Variants in TENM2 observed in about 807,000 individuals in gnomAD.
TENM2 encodes the protein teneurin transmembrane protein 2, also known as teneurin-2.
A neutral mutation model predicts 245.2 loss-of-function variants in TENM2; 52 were observed. That is an observed-to-expected ratio of 0.21 (90% CI 0.17 to 0.27). The LOEUF (loss-of-function observed/expected upper bound fraction) is 0.27. Ranked by LOEUF, TENM2 falls within the 10% of genes least tolerant of loss-of-function variation. TENM2 has a pLI of 1.00. For synonymous variants in TENM2, 1,363 were observed against 1,438.9 expected (o/e 0.95, Z 1.19); for missense variants, 3,046 against 3,666.8 (o/e 0.83, Z 4.37).
rs61665761 is a variant in TENM2 at position 168,036,643 on chromosome 5, A to AAT, written c.1187-10764_1187-10763dup. On this transcript the variant is annotated intron_variant, in intron 5 of 28. Transcript: ENST00000518659. ...AAGAGCGAAACTCCATCAAAAAAAA[A>AAT]ATATATATATATATATATATAATAT... Among the ~76,000 whole-genome samples, 269 of 73,816 alleles carry AAT rather than the reference A, an allele frequency of 3.6e-3. 6 individuals are homozygous for AAT. The East Asian group carries it at 0.059, about 16-fold the overall frequency. The allele number at this position is 73,816 out of a possible 152,430, so 48.4% of individuals were successfully genotyped here. A position where few individuals can be genotyped will look rare whatever the true frequency, so the allele number is the denominator to read the frequency against.
Position 167,821,764 on chromosome 5 carries a change from G to A in TENM2, c.503-54222G>A, listed in dbSNP as rs939586640. Among the ~76,000 whole-genome samples, 17 of 152,168 alleles carry A rather than the reference G, an allele frequency of 1.1e-4. No individual in the cohort carries two copies. In the East Asian group the frequency reaches 2.5e-3, roughly 22 times the overall value. On this transcript the variant is annotated intron_variant, in intron 2 of 28. Transcript: ENST00000518659. ...AAGAACTCTACAAGTCCCTTTTGATGATTTCATTGAACTGGTAAGGAAAGG... is the reference window on the plus strand; with the variant it reads ...AAGAACTCTACAAGTCCCTTTTGATAATTTCATTGAACTGGTAAGGAAAGG...
the TENM2 span, among the ~76,000 whole-genome samples, chr5:167,056,541 A>G: frequency 7.2e-6 from 1 of 138,088 alleles, no homozygotes; most frequent in African/African-American, 2.7e-5. Flanking sequence ...TATATCTATA[A>G]AATATATAAA....
intron 3 of TENM2, among the ~76,000 whole-genome samples, chr5:167,950,504 G>A (rs1780002577): frequency 6.6e-6 from 1 of 152,126 alleles, no homozygotes; most frequent in Admixed American, 6.5e-5. Context: ...TTAGGACTTA[G>A]GGCTGGGGAG....
intron 2 of TENM2, among the ~76,000 whole-genome samples, chr5:167,518,467 C>A (rs757323361): frequency 6.6e-5 from 10 of 152,136 alleles, no homozygotes; most frequent in African/African-American, 1.9e-4. Flanking sequence ...ATATAATTGT[C>A]ATTTTTGTAA....
chr5:167,135,177 T>G, the TENM2 span, among the ~76,000 whole-genome samples: 1 of 152,220 alleles, frequency 6.6e-6, no homozygotes, highest in African/African-American at 2.4e-5. Context: ...ATTGTTGTTA[T>G]TTATTAATCT....
intron 5 of TENM2, among the ~76,000 whole-genome samples, chr5:167,995,199 A>G: frequency 6.6e-6 from 1 of 152,142 alleles, no homozygotes; most frequent in East Asian, 1.9e-4. Flanking sequence ...TGCCTGATTT[A>G]TGGGGCTTGA....
rs185683873 is a variant in TENM2 at position 168,151,904 on chromosome 5, C to T, written c.2423-10707C>T. On this transcript the variant is annotated intron_variant, in intron 12 of 28. Transcript: ENST00000518659. The stretch of plus-strand genomic sequence containing the variant: ...CTCACTCCCTGTTTTCAATGATGAC[C>T]AATGATTCCAGGCTGCCTCTTGGGG... Among the ~76,000 whole-genome samples the T allele has an allele frequency of 2.8e-4, 42 of 152,280 alleles. No homozygotes were observed. In the East Asian group the frequency reaches 7.9e-3, roughly 29 times the overall value.
chr5:167,258,160 T>C, the TENM2 span, among the ~76,000 whole-genome samples: 1 of 149,662 alleles, frequency 6.7e-6, no homozygotes, highest in Non-Finnish European at 1.5e-5. Flanking sequence ...TTGAAGATAT[T>C]ATATTTTGTA....
chr5:167,836,107 T>C (rs2151120869), intron 2 of TENM2, among the ~76,000 whole-genome samples: 1 of 152,328 alleles, frequency 6.6e-6, no homozygotes, highest in Middle Eastern at 3.4e-3. Context: ...AACGTTGTTT[T>C]TAAGTAAGTT....
the TENM2 span, among the ~76,000 whole-genome samples, chr5:167,211,222 G>A: frequency 6.6e-6 from 1 of 152,022 alleles, no homozygotes; most frequent in Non-Finnish European, 1.5e-5. Context: ...AGTGACTATC[G>A]TGGCTAACTT....
the TENM2 span, among the ~76,000 whole-genome samples, chr5:167,196,598 C>A: frequency 6.7e-6 from 1 of 148,572 alleles, no homozygotes; most frequent in Non-Finnish European, 1.5e-5. Context: ...TCTTACACAT[C>A]TTAACTGTAA....
At chr5:168,030,327 A>T (rs895480550) in intron 5 of TENM2, among the ~76,000 whole-genome samples, 11 of 151,690 alleles carry the variant, frequency 7.3e-5, no homozygotes, top group Admixed American at 6.6e-5. Flanking sequence ...CTCCACCTTC[A>T]TAGAAACAGA....
chr5:167,793,558 G>A (rs1380355724), intron 2 of TENM2, among the ~76,000 whole-genome samples: 1 of 152,090 alleles, frequency 6.6e-6, no homozygotes, highest in Non-Finnish European at 1.5e-5. Context: ...CAAGAGGCCA[G>A]GTGCAGTGGC....
In TENM2 at chr5:167,303,813, C is replaced by T. The variant is rs145094381; in HGVS notation, c.226+18750C>T. On this transcript the variant is annotated intron_variant, in intron 1 of 28. Transcript: ENST00000518659. The stretch of plus-strand genomic sequence containing the variant: ...GAAATAGGCCAGGTTGTCAACTATG[C>T]GTCATGGTGGGGACTGTTCTGATTT... Among the ~76,000 whole-genome samples, 18 of 152,222 alleles carry T rather than the reference C, an allele frequency of 1.2e-4. No homozygotes were observed. In the East Asian group the frequency reaches 2.7e-3, roughly 23 times the overall value.
At chr5:167,241,329 A>G in the TENM2 span, among the ~76,000 whole-genome samples, 1 of 152,218 alleles carries the variant, frequency 6.6e-6, no homozygotes, top group Non-Finnish European at 1.5e-5. Flanking sequence ...ACAAACTTGC[A>G]CATACTTATA....
At chr5:167,204,037 A>T in the TENM2 span, among the ~76,000 whole-genome samples, 1 of 152,302 alleles carries the variant, frequency 6.6e-6, no homozygotes, top group Admixed American at 6.5e-5. Flanking sequence ...GGAGAGGTTC[A>T]TATCTGCACT....
chr5:168,117,104 G>C (rs1181650716), intron 9 of TENM2, among the ~76,000 whole-genome samples: 2 of 152,158 alleles, frequency 1.3e-5, no homozygotes, highest in Non-Finnish European at 2.9e-5. Flanking sequence ...GATGAACTCT[G>C]AAAGGTGGGA....
At chr5:167,744,820 C>CAAACAAACA (rs1554109373) in intron 2 of TENM2, among the ~76,000 whole-genome samples, 2 of 145,700 alleles carry the variant, frequency 1.4e-5, no homozygotes, top group African/African-American at 5.1e-5. Context: ...AACAAACAAA[C>CAAACAAACA]AAACAAAACA....
rs1287204504 is a variant in TENM2 at position 168,244,618 on chromosome 5, G to A, written c.5719G>A (p.Gly1907Arg). Residue 1907 changes from glycine to arginine, a missense_variant, in exon 26 of 29, where the codon GGG becomes AGG. Coordinates refer to ENST00000518659, the Ensembl canonical transcript of TENM2. The surrounding 1 kb of genome is among the most constrained non-coding windows in gnomAD (Gnocchi z 4.9). ...TGGGCGCCTGGCTGGGCTTCAGCGT[G>A]GGGCCATGAGCGAGAGGACAGACAT... 6.3e-7 allele frequency: 1 copy of A among 1,595,324 alleles called. No individual in the cohort carries two copies. The highest frequency in any genetic ancestry group is 8.6e-7 in the Non-Finnish European group (1 of 1,167,696).
Sources: gnomAD v4.1 joint callset for allele counts (sites outside exome capture counted in the v4.1 genomes callset) on GRCh38, gnomAD v4.1.1 for gene constraint, Gnocchi (gnomAD v3.1) non-coding constraint, MANE v1.5 for transcripts, NCBI Gene and HGNC (gene_info 2026-07-23, HGNC 2026-07-21) for gene names.